Variants in ITSN1 observed in about 807,000 individuals in gnomAD.
The protein encoded by ITSN1 is intersectin 1, also known as intersectin-1.
Under a neutral mutation model 239.8 loss-of-function variants are expected in ITSN1, and 58 were observed. The observed-to-expected ratio is 0.24, with a 90% confidence interval of 0.20 to 0.30. ITSN1 has a LOEUF of 0.30. Among genes scored for constraint, ITSN1 ranks in the 10% least tolerant of loss-of-function variants. ITSN1 has a pLI of 1.00. For synonymous variants in ITSN1, 780 were observed against 770.8 expected (o/e 1.01, Z -0.20); for missense variants, 1,558 against 2,103.3 (o/e 0.74, Z 5.07).
chr21:33,648,865 AAAG>A (rs1432933933), intron 1 of ITSN1, among the ~76,000 whole-genome samples: 2 of 151,900 alleles, frequency 1.3e-5, no homozygotes, highest in Non-Finnish European at 2.9e-5. Flanking sequence ...GAGAGAGAGA[AAAG>A]AAAGGAGAGA....
At chr21:33,868,141 G>T (rs949835504) in intron 33 of ITSN1, among the ~76,000 whole-genome samples, 3 of 152,216 alleles carry the variant, frequency 2.0e-5, no homozygotes, top group African/African-American at 7.2e-5. Context: ...CCTGCTGATT[G>T]GTAGAGCCCA....
chr21:33,722,611 T>C lies in ITSN1; in HGVS notation c.145T>C (p.Phe49Leu). 1 of 1,582,642 alleles carries C rather than the reference T, an allele frequency of 6.3e-7. No homozygotes were observed. The highest frequency in any genetic ancestry group is 8.5e-7 in the Non-Finnish European group (1 of 1,170,708). Residue 49 changes from phenylalanine (F) to leucine (L), a missense_variant, in exon 4 of 40, where the codon TTT (phenylalanine) becomes CTT (leucine). Phe to Leu is a conservative substitution (Grantham distance 22). Transcript: ENST00000381318. ...ITGDQARNFF[F>L]QSGLPQPVLA... is the part of the protein sequence containing the mutation. ...AGGTGATCAAGCTAGAAACTTTTTT[T>C]TTCAATCTGGGTTACCTCAACCTGT...
intron 20 of ITSN1, among the ~76,000 whole-genome samples, chr21:33,810,158 T>A (rs1008449375): frequency 3.3e-5 from 5 of 152,192 alleles, no homozygotes; most frequent in Admixed American, 3.3e-4. Flanking sequence ...GCTCATAAAA[T>A]AGTAGGGACA....
Position 33,834,419 on chromosome 21 carries a change from C to T in ITSN1, c.3464C>T (p.Ala1155Val), listed in dbSNP as rs200818653. 2.7e-5 allele frequency: 44 copies of T among 1,607,338 alleles called. No homozygotes were observed. The highest frequency in any genetic ancestry group is 2.0e-4 in the East Asian group (9 of 44,772). Residue 1155 changes from alanine (A) to valine (V), a missense_variant, in exon 28 of 40, where the codon GCG (alanine) becomes GTG (valine). By Grantham distance (64) the Ala-to-Val change is moderately conservative. Coordinates refer to ENST00000381318, the MANE Select transcript of ITSN1 (RefSeq NM_003024.3). ...PTEPPKSTAL[A>V]AVCQVIGMYD... ...GAGCCACCTAAGTCAACAGCATTAG[C>T]GGCAGGTAAGGAGTTTCGCATCTCT...
intron 8 of ITSN1, among the ~76,000 whole-genome samples, chr21:33,757,547 AT>A (rs982123402): frequency 2.2e-4 from 34 of 152,062 alleles, no homozygotes; most frequent in African/African-American, 8.0e-4. Context: ...TAGAAATTTA[AT>A]TTTTTTTCCC....
intron 8 of ITSN1, among the ~76,000 whole-genome samples, chr21:33,757,587 A>G (rs2068014773): frequency 6.6e-6 from 1 of 152,150 alleles, no homozygotes; most frequent in Admixed American, 6.6e-5. Context: ...AATATGAAGT[A>G]TGTTTTATAC....
intron 11 of ITSN1, among the ~76,000 whole-genome samples, chr21:33,768,082 C>T (rs2068847508): frequency 6.6e-6 from 1 of 152,106 alleles, no homozygotes; most frequent in Non-Finnish European, 1.5e-5. Context: ...TTATAAACTG[C>T]TAAACAAAAA....
chr21:33,795,115 T>C (rs1314573038), intron 17 of ITSN1, among the ~76,000 whole-genome samples: 1 of 152,200 alleles, frequency 6.6e-6, no homozygotes, highest in Non-Finnish European at 1.5e-5. Flanking sequence ...AATGACCAAA[T>C]GTCCCAATGA....
chr21:33,835,668 C>T (rs1447976022), intron 28 of ITSN1, among the ~76,000 whole-genome samples: 7 of 152,162 alleles, frequency 4.6e-5, no homozygotes, highest in Non-Finnish European at 8.8e-5. Flanking sequence ...TGGTGGCTCG[C>T]GCCTGTAATC....
At chr21:33,681,130 C>T (rs2146518682) in intron 1 of ITSN1, among the ~76,000 whole-genome samples, 1 of 152,248 alleles carries the variant, frequency 6.6e-6, no homozygotes, top group East Asian at 1.9e-4. Context: ...ATTTACCCGC[C>T]CGGGGATGGA....
At chr21:33,772,019 A>T in intron 11 of ITSN1, 42 bp from the exon 12 acceptor site, 1 of 1,599,488 alleles carries the variant, frequency 6.3e-7, no homozygotes, top group Non-Finnish European at 8.5e-7. Context: ...GAGTCCGTTG[A>T]AAATCTTGAG....
chr21:33,714,630 AT>A (rs2065035848), intron 1 of ITSN1, among the ~76,000 whole-genome samples: 1 of 151,540 alleles, frequency 6.6e-6, no homozygotes, highest in Admixed American at 6.6e-5. Flanking sequence ...TATTATATCT[AT>A]ATCTATATCT....
At chr21:33,728,398 A>C (rs954310010) in intron 4 of ITSN1, among the ~76,000 whole-genome samples, 4 of 150,772 alleles carry the variant, frequency 2.7e-5, no homozygotes, top group African/African-American at 9.8e-5. Flanking sequence ...ATGCCCAGCT[A>C]ATTTTTGTAT....
intron 1 of ITSN1, among the ~76,000 whole-genome samples, chr21:33,718,056 C>G (rs970306902): frequency 6.6e-5 from 10 of 152,162 alleles, no homozygotes; most frequent in African/African-American, 2.4e-4. Flanking sequence ...AACTCCACAG[C>G]GTTTGGTCAC....
chr21:33,674,162 A>G (rs1038498667), intron 1 of ITSN1, among the ~76,000 whole-genome samples: 2 of 152,212 alleles, frequency 1.3e-5, no homozygotes, highest in African/African-American at 4.8e-5. Context: ...TCTAGGACTC[A>G]TTGGTACCTT....
At chr21:33,761,501 C>T (rs2068325215) in intron 8 of ITSN1, among the ~76,000 whole-genome samples, 1 of 151,980 alleles carries the variant, frequency 6.6e-6, no homozygotes, top group South Asian at 2.1e-4. Context: ...CCGAATCTTC[C>T]CTGAATTTGC....
At chr21:33,734,991 G>T in intron 4 of ITSN1, 53 bp from the exon 5 acceptor site, 1 of 1,517,768 alleles carries the variant, frequency 6.6e-7, no homozygotes, top group Non-Finnish European at 8.9e-7. Flanking sequence ...GGTGGTTTTG[G>T]AAAGGTTCTT....
chr21:33,681,589 T>G (rs984122242), intron 1 of ITSN1, among the ~76,000 whole-genome samples: 1 of 151,924 alleles, frequency 6.6e-6, no homozygotes, highest in African/African-American at 2.4e-5. Flanking sequence ...TCATGCTATT[T>G]GATGCCTCCG....
rs779247365 is a variant in ITSN1, at chr21:33,875,531, C to G, written c.4341+10C>G. The G allele has an allele frequency of 6.2e-7, 1 of 1,611,484 alleles. No individual in the cohort carries two copies. The highest frequency in any genetic ancestry group is 2.2e-5 in the East Asian group (1 of 44,816). The stretch of plus-strand genomic sequence containing the variant: ...TGAAGGCCTGTCTGAGGTAGCCAAC[C>G]TTGGGGCTGGGCCCTGGTCTCCCCC... On this transcript the variant is annotated intron_variant, in intron 34 of 39. Coordinates refer to ENST00000381318, the MANE Select transcript of ITSN1 (RefSeq NM_003024.3).
Sources: allele counts gnomAD v4.1 joint callset (sites outside exome capture counted in the v4.1 genomes callset), GRCh38; gene constraint gnomAD v4.1.1; transcripts MANE v1.5; gene names NCBI Gene and HGNC (gene_info 2026-07-23, HGNC 2026-07-21).